SPATA6: variants seen among roughly 807,000 people sequenced by gnomAD.
The protein encoded by SPATA6 is spermatogenesis-associated protein 6.
In SPATA6, 56 loss-of-function variants were observed where a neutral mutation model predicts 65.3. The observed-to-expected ratio is 0.86, with a 90% confidence interval of 0.69 to 1.07. The LOEUF (loss-of-function observed/expected upper bound fraction) is 1.07, where lower values mean the gene tolerates loss of function less well. Among genes scored for constraint, SPATA6 ranks in the 50% least tolerant of loss-of-function variants. The pLI is 0.00. For missense variants in SPATA6, 590 were observed against 594.8 expected, an observed-to-expected ratio of 0.99 and a Z score of 0.08; for synonymous variants, 199 against 213.2, an observed-to-expected ratio of 0.93 and a Z score of 0.58.
chr1:48,395,384 A>C, intron 7 of SPATA6, 30 bp from the exon 8 acceptor site: 1 of 1,488,736 alleles, frequency 6.7e-7, no homozygotes. Flanking sequence ...TATGTAAAAG[A>C]GAGTTTAAAC....
chr1:48,369,132 T>C (rs999818905), intron 9 of SPATA6, among the ~76,000 whole-genome samples: 1 of 152,182 alleles, frequency 6.6e-6, no homozygotes, highest in Non-Finnish European at 1.5e-5. Context: ...CGAATGCTGC[T>C]GCCTGATCGG....
At chr1:48,318,335 AT>A (rs1188597848) in intron 11 of SPATA6, among the ~76,000 whole-genome samples, 1 of 152,156 alleles carries the variant, frequency 6.6e-6, no homozygotes, top group Admixed American at 6.6e-5. Context: ...GGAAATAAAA[AT>A]ATTTCTATTT....
intron 5 of SPATA6, among the ~76,000 whole-genome samples, chr1:48,410,430 C>T (rs1236944190): frequency 6.6e-6 from 1 of 152,216 alleles, no homozygotes; most frequent in Non-Finnish European, 1.5e-5. Context: ...TTTCTGAGCC[C>T]TCCAAACTGT....
intron 1 of SPATA6, among the ~76,000 whole-genome samples, chr1:48,467,085 T>C (rs562395429): frequency 6.6e-6 from 1 of 152,150 alleles, no homozygotes; most frequent in Non-Finnish European, 1.5e-5. Context: ...TTTGATGCTC[T>C]TTAAAAACAA....
intron 3 of SPATA6, among the ~76,000 whole-genome samples, chr1:48,422,520 C>T (rs1653445875): frequency 6.6e-6 from 1 of 152,130 alleles, no homozygotes; most frequent in Non-Finnish European, 1.5e-5. Flanking sequence ...AAGACAGGAT[C>T]ATAGGAATAA....
the SPATA6 span, among the ~76,000 whole-genome samples, chr1:48,265,023 T>A: frequency 6.6e-6 from 1 of 152,224 alleles, no homozygotes; most frequent in Non-Finnish European, 1.5e-5. Context: ...TCTAATGGCC[T>A]ACTTCTCCTC....
At chr1:48,453,938 C>T (rs1656800012) in intron 1 of SPATA6, among the ~76,000 whole-genome samples, 1 of 148,442 alleles carries the variant, frequency 6.7e-6, no homozygotes, top group Non-Finnish European at 1.5e-5. Flanking sequence ...CCAAAAGCTG[C>T]AGTTTTAGGG....
intron 11 of SPATA6, among the ~76,000 whole-genome samples, chr1:48,322,076 A>G (rs1449917775): frequency 6.6e-6 from 1 of 152,180 alleles, no homozygotes; most frequent in Non-Finnish European, 1.5e-5. Flanking sequence ...TAGGTGGGAA[A>G]AAAAAGACAA....
At chr1:48,436,931 C>T in intron 3 of SPATA6, 1 of 1,613,444 alleles carries the variant, frequency 6.2e-7, no homozygotes. Context: ...TCCAGTGGAA[C>T]TCACACAGTA....
chr1:48,342,439 C>G (rs1048839393), intron 11 of SPATA6, among the ~76,000 whole-genome samples: 1 of 151,724 alleles, frequency 6.6e-6, no homozygotes, highest in African/African-American at 2.4e-5. Flanking sequence ...CATGGTGAAA[C>G]CCCTTATCTA....
At chr1:48,279,183 A>C in the SPATA6 span, among the ~76,000 whole-genome samples, 1 of 152,256 alleles carries the variant, frequency 6.6e-6, no homozygotes, top group Non-Finnish European at 1.5e-5. Context: ...TGAAGGAAGC[A>C]TTAAACATGG....
chr1:48,280,580 T>C, the SPATA6 span, among the ~76,000 whole-genome samples: 1 of 152,132 alleles, frequency 6.6e-6, no homozygotes, highest in Non-Finnish European at 1.5e-5. Flanking sequence ...CTAGAAAATC[T>C]AGAATAAATG....
intron 3 of SPATA6, among the ~76,000 whole-genome samples, chr1:48,440,194 A>G (rs1029065975): frequency 6.6e-6 from 1 of 152,120 alleles, no homozygotes; most frequent in Non-Finnish European, 1.5e-5. Flanking sequence ...GTCCCCTTCA[A>G]GCTGTAGGGG....
intron 3 of SPATA6, among the ~76,000 whole-genome samples, chr1:48,448,817 T>C (rs1656303111): frequency 1.3e-5 from 2 of 152,178 alleles, no homozygotes; most frequent in South Asian, 4.1e-4. Flanking sequence ...ACTCTTTAGA[T>C]GAAATTTCTA....
chr1:48,323,124 G>A (rs558969215), intron 11 of SPATA6, among the ~76,000 whole-genome samples: 54 of 152,098 alleles, frequency 3.6e-4, no homozygotes, highest in Admixed American at 3.9e-4. Context: ...ATGCACACAT[G>A]TTTACTGCAG....
At chr1:48,302,481 G>T (rs1219244238) in intron 12 of SPATA6, among the ~76,000 whole-genome samples, 3 of 152,196 alleles carry the variant, frequency 2.0e-5, no homozygotes, top group Non-Finnish European at 2.9e-5. Flanking sequence ...TGTGGTACTT[G>T]TCTTGGCTTC....
At chr1:48,274,172 G>A in the SPATA6 span, among the ~76,000 whole-genome samples, 16 of 152,028 alleles carry the variant, frequency 1.1e-4, no homozygotes, top group African/African-American at 2.9e-4. Context: ...CATATCCTTC[G>A]CTCACTTTTT....
At chr1:48,367,380 A>G (rs533982995) in intron 9 of SPATA6, among the ~76,000 whole-genome samples, 1,777 of 152,008 alleles carry the variant, frequency 0.012, 44 homozygotes, top group African/African-American at 0.041. Flanking sequence ...TAATCTGTCT[A>G]ATGTTGACAG....
downstream of SPATA6, among the ~76,000 whole-genome samples, chr1:48,294,044 T>C (rs935636023): frequency 8.5e-5 from 13 of 152,232 alleles, no homozygotes; most frequent in Non-Finnish European, 1.5e-5. Flanking sequence ...TACCTCTTCG[T>C]TTCGTACATT....
Sources: allele counts gnomAD v4.1 joint callset (sites outside exome capture counted in the v4.1 genomes callset), GRCh38; gene constraint gnomAD v4.1.1; transcripts MANE v1.5; gene names NCBI Gene and HGNC (gene_info 2026-07-23, HGNC 2026-07-21).